The following TBC1D19 variants were observed in gnomAD, a reference collection of about 807,000 sequenced individuals.
The protein encoded by TBC1D19 is TBC1 domain family member 19.
Under a neutral mutation model 89.0 loss-of-function variants are expected in TBC1D19, and 60 were observed. The ratio of observed to expected loss-of-function variants is 0.67; its 90% CI spans 0.55 to 0.84. The LOEUF is 0.84. Among genes scored for constraint, TBC1D19 ranks in the 40% least tolerant of loss-of-function variants. The pLI is 0.00. For missense variants in TBC1D19, 500 were observed against 610.8 expected (o/e 0.82, Z 1.91); for synonymous variants, 189 against 199.7 (o/e 0.95, Z 0.45).
At chr4:26,727,674 A>T (rs1403590589) in intron 15 of TBC1D19, among the ~76,000 whole-genome samples, 2 of 152,232 alleles carry the variant, frequency 1.3e-5, no homozygotes, top group African/African-American at 2.4e-5. Flanking sequence ...ACTTGCCCAG[A>T]GTCACACAGG....
At chr4:26,735,628 T>G in intron 16 of TBC1D19, 141 bp downstream of exon 16, 4 of 649,502 alleles carry the variant, frequency 6.2e-6, no homozygotes, top group Non-Finnish European at 7.2e-6. Flanking sequence ...TGCATGCTAG[T>G]TCCCCATAGG....
the TBC1D19 span, among the ~76,000 whole-genome samples, chr4:26,837,778 G>A: frequency 2.6e-5 from 4 of 152,122 alleles, no homozygotes; most frequent in South Asian, 2.1e-4. Context: ...TGTGGGGTGC[G>A]GGTGAGTCTG....
the TBC1D19 span, among the ~76,000 whole-genome samples, chr4:26,786,761 ATGG>A: frequency 7.0e-6 from 1 of 142,384 alleles, no homozygotes; most frequent in Non-Finnish European, 1.6e-5. Context: ...GCCTGGATGG[ATGG>A]ATGGATGGAT....
intron 15 of TBC1D19, among the ~76,000 whole-genome samples, chr4:26,726,404 C>G (rs4235020): frequency 2.0e-5 from 3 of 152,076 alleles, no homozygotes; most frequent in African/African-American, 2.4e-5. Flanking sequence ...TAAATTTAAA[C>G]TATCTCATAT....
At chr4:26,751,207 G>A (rs976148626) in intron 19 of TBC1D19, among the ~76,000 whole-genome samples, 1 of 152,136 alleles carries the variant, frequency 6.6e-6, no homozygotes, top group Non-Finnish European at 1.5e-5. Flanking sequence ...GATAAATAAA[G>A]GTTATGAGCA....
At chr4:26,625,075 A>G (rs1241259927) in intron 4 of TBC1D19, among the ~76,000 whole-genome samples, 1 of 151,062 alleles carries the variant, frequency 6.6e-6, no homozygotes, top group Non-Finnish European at 1.5e-5. Flanking sequence ...TTTTTTTTTC[A>G]GTTAAAGTTT....
chr4:26,715,071 T>A, intron 13 of TBC1D19, among the ~76,000 whole-genome samples: 1 of 152,094 alleles, frequency 6.6e-6, no homozygotes, highest in East Asian at 1.9e-4. Flanking sequence ...TATATGTTGA[T>A]AACTCTCAAA....
the TBC1D19 span, among the ~76,000 whole-genome samples, chr4:26,773,620 TC>T: frequency 5.3e-5 from 8 of 152,214 alleles, no homozygotes; most frequent in Non-Finnish European, 8.8e-5. Context: ...AGGTCTTTAA[TC>T]CATCTTGAGT....
At chr4:26,645,265 C>T (rs980873876) in intron 7 of TBC1D19, among the ~76,000 whole-genome samples, 23 of 152,158 alleles carry the variant, frequency 1.5e-4, no homozygotes, top group Admixed American at 1.5e-3. Flanking sequence ...TACTACAAGG[C>T]TACAGTAACC....
At chr4:26,657,744 T>C (rs527728938) in intron 7 of TBC1D19, among the ~76,000 whole-genome samples, 65 of 152,250 alleles carry the variant, frequency 4.3e-4, no homozygotes, top group African/African-American at 1.1e-3. Flanking sequence ...CTCTCCAGCA[T>C]CTGTTGTTTC....
At chr4:26,696,374 T>G (rs573929978) in intron 13 of TBC1D19, among the ~76,000 whole-genome samples, 5 of 152,314 alleles carry the variant, frequency 3.3e-5, no homozygotes, top group African/African-American at 1.2e-4. Flanking sequence ...CTTAGAGATC[T>G]ACAAAGAGAC....
At chr4:26,701,556 C>T (rs1326039266) in intron 13 of TBC1D19, among the ~76,000 whole-genome samples, 1 of 151,922 alleles carries the variant, frequency 6.6e-6, no homozygotes, top group Non-Finnish European at 1.5e-5. Flanking sequence ...ATGGGGTTAT[C>T]TTTTTCATTA....
chr4:26,744,389 CTTATAT>C (rs1437616039), intron 18 of TBC1D19, among the ~76,000 whole-genome samples: 2 of 151,086 alleles, frequency 1.3e-5, no homozygotes, highest in African/African-American at 4.8e-5. Context: ...TATTTTTACT[CTTATAT>C]TTATTATTTT....
chr4:26,703,960 CAAAAAAA>C (rs11453747), intron 13 of TBC1D19, among the ~76,000 whole-genome samples: 2 of 114,262 alleles, frequency 1.8e-5, no homozygotes, highest in Admixed American at 1.0e-4. Flanking sequence ...GACTCCGTCT[CAAAAAAA>C]AAAAAAAAAG....
upstream of TBC1D19, among the ~76,000 whole-genome samples, chr4:26,581,421 T>C (rs1354737096): frequency 6.6e-6 from 1 of 152,158 alleles, no homozygotes; most frequent in Non-Finnish European, 1.5e-5. Flanking sequence ...TTCCCCTCCC[T>C]GTGTCCATGT....
intron 15 of TBC1D19, among the ~76,000 whole-genome samples, chr4:26,730,565 C>G (rs1435933277): frequency 6.6e-6 from 1 of 152,178 alleles, no homozygotes; most frequent in Non-Finnish European, 1.5e-5. Flanking sequence ...AAATTAGACT[C>G]ATAAACTGAT....
chr4:26,588,283 C>A (rs967346057), intron 1 of TBC1D19, among the ~76,000 whole-genome samples: 2 of 152,096 alleles, frequency 1.3e-5, no homozygotes, highest in African/African-American at 2.4e-5. Flanking sequence ...CCTTGGCCTC[C>A]TAAAGGGCTG....
chr4:26,634,768 TTTTTCTTAAAA>T (rs1189267854), intron 4 of TBC1D19, among the ~76,000 whole-genome samples: 1 of 152,112 alleles, frequency 6.6e-6, no homozygotes, highest in Non-Finnish European at 1.5e-5. Flanking sequence ...CAAACCCAAC[TTTTTCTTAAAA>T]TTTTCAATAT....
intron 1 of TBC1D19, among the ~76,000 whole-genome samples, chr4:26,585,629 G>A (rs1739364984): frequency 6.6e-6 from 1 of 151,694 alleles, no homozygotes; most frequent in Non-Finnish European, 1.5e-5. Context: ...TGTCACCCTG[G>A]CTGGAGTGCA....
Sources: allele counts gnomAD v4.1 joint callset (sites outside exome capture counted in the v4.1 genomes callset), GRCh38; gene constraint gnomAD v4.1.1; transcripts MANE v1.5; gene names NCBI Gene and HGNC (gene_info 2026-07-23, HGNC 2026-07-21).